Variants in RAI1 observed in about 807,000 individuals in gnomAD.
RAI1 encodes retinoic acid induced 1.
A neutral mutation model predicts 123.8 loss-of-function variants in RAI1; 9 were observed. The ratio of observed to expected loss-of-function variants is 0.07; its 90% confidence interval spans 0.04 to 0.13. RAI1 has a LOEUF of 0.13. Among genes scored for constraint, RAI1 ranks in the 10% least tolerant of loss-of-function variants. The pLI is 1.00. For synonymous variants in RAI1, 1,231 were observed against 1,127.3 expected, an observed-to-expected ratio of 1.09 and a Z score of -1.84; for missense variants, 2,256 against 2,545.8, an observed-to-expected ratio of 0.89 and a Z score of 2.45.
chr17:17,745,269 A>G (rs143961643), intron 2 of RAI1, among the ~76,000 whole-genome samples: 1 of 151,716 alleles, frequency 6.6e-6, no homozygotes, highest in East Asian at 1.9e-4. Context: ...GGTATTTGGG[A>G]TGTGCTGACT....
intron 1 of RAI1, among the ~76,000 whole-genome samples, chr17:17,699,636 G>A (rs572353794): frequency 1.4e-5 from 2 of 145,982 alleles, no homozygotes; most frequent in Admixed American, 1.4e-4. Context: ...GGCCGGGGGG[G>A]GGGGAATCAA....
intron 2 of RAI1, among the ~76,000 whole-genome samples, chr17:17,724,611 G>T (rs980924777): frequency 3.3e-5 from 5 of 152,066 alleles, no homozygotes; most frequent in African/African-American, 4.8e-5. Context: ...GTTCAAGTTC[G>T]CAATCTGCGC....
At position 17,803,833 on chromosome 17, in the gene RAI1, G is replaced by A. The variant is rs548093356; in HGVS notation, c.5643G>A (p.Pro1881=). 27 of 1,613,396 alleles carry A rather than the reference G, an allele frequency of 1.7e-5. No homozygotes were observed. Among genetic ancestry groups the A allele is most frequent in the East Asian group, 6.7e-5 (3 of 44,880 alleles). The change falls in exon 4 of 6, where the codon CCG becomes CCA. Residue 1881 remains proline, a synonymous_variant. Coordinates refer to ENST00000353383, the MANE Select transcript of RAI1 (RefSeq NM_030665.4). ...GATGCCTCCACACCTACCACTACCCGTGTGCCAGCGATGCAGGTACGAGCC... is the reference window on the plus strand; with the variant it reads ...GATGCCTCCACACCTACCACTACCCATGTGCCAGCGATGCAGGTACGAGCC... ...HKGCLHTYHY[P]CASDAGCIFI... is the part of the protein sequence containing the mutation.
At chr17:17,802,157 A>C in intron 3 of RAI1, 1 of 470,934 alleles carries the variant, frequency 2.1e-6, no homozygotes. Context: ...GTCCACTCCA[A>C]GCAGCTGGTC....
chr17:17,750,850 GT>G (rs1420797874), intron 2 of RAI1, among the ~76,000 whole-genome samples: 1 of 152,244 alleles, frequency 6.6e-6, no homozygotes, highest in African/African-American at 2.4e-5. Flanking sequence ...CTGAGCCACA[GT>G]TGCTGGCCTT....
chr17:17,707,058 T>C (rs993202410), intron 1 of RAI1, among the ~76,000 whole-genome samples: 12 of 152,286 alleles, frequency 7.9e-5, no homozygotes, highest in African/African-American at 2.9e-4. Context: ...TCCTTAGTCC[T>C]AAGCTACTCA....
In RAI1 at chr17:17,699,629, CGG is replaced by C. The variant is rs372576220; in HGVS notation, c.-149+17846_-149+17847del. Among the ~76,000 whole-genome samples the C allele has an allele frequency of 8.4e-3, 424 of 50,654 alleles. 4 individuals carry two copies. Among genetic ancestry groups the C allele is most frequent in the African/African-American group, 0.022 (389 of 18,068 alleles). The allele number at this position is 50,654 out of a possible 152,430, so 33.2% of individuals were successfully genotyped here. Reference sequence around the variant, plus strand: ...GAAAGCCCATCCATTGTCGGGGGGCCGGGGGGGGGGGAATCAAATGAATTGCC... The same window carrying C: ...GAAAGCCCATCCATTGTCGGGGGGCCGGGGGGGGGAATCAAATGAATTGCC... On this transcript the variant is annotated intron_variant, in intron 1 of 5. Coordinates refer to ENST00000353383, the MANE Select transcript of RAI1 (RefSeq NM_030665.4).
At chr17:17,779,771 C>A (rs1263104567) in intron 2 of RAI1, among the ~76,000 whole-genome samples, 1 of 107,960 alleles carries the variant, frequency 9.3e-6, no homozygotes, top group Non-Finnish European at 1.9e-5. Context: ...CCTCCCCACC[C>A]TTTTTTTTTT....
chr17:17,732,546 G>C (rs1916305169), intron 2 of RAI1, among the ~76,000 whole-genome samples: 2 of 152,144 alleles, frequency 1.3e-5, no homozygotes, highest in Non-Finnish European at 2.9e-5. Flanking sequence ...GGGTTTGCAG[G>C]CTTCTTTAAG....
At position 17,798,372 on chromosome 17, in the gene RAI1, C is replaced by G; in HGVS notation, c.5424C>G (p.Ser1808Arg). The G allele has an allele frequency of 1.9e-6, 3 of 1,608,900 alleles. No homozygotes were observed. Among genetic ancestry groups the G allele is most frequent in the South Asian group, 2.2e-5 (2 of 90,454 alleles). ...ACAAGGGTCGCAAACATGAGTGCAG[C>G]AAGGAGGCTCCGGCAGAGCCCGGCG... is the stretch of plus-strand genomic sequence containing the variant. The part of the protein sequence containing the change: ...PADKGRKHEC[S>R]KEAPAEPGGE... Residue 1808 changes from serine (S) to arginine (R), a missense_variant, in exon 3 of 6, where the codon AGC (serine) becomes AGG (arginine). Physicochemically the swap from Ser to Arg is moderately radical, Grantham distance 110. Transcript: ENST00000353383.
At chr17:17,697,856 G>A (rs1915089192) in intron 1 of RAI1, among the ~76,000 whole-genome samples, 1 of 152,222 alleles carries the variant, frequency 6.6e-6, no homozygotes, top group Non-Finnish European at 1.5e-5. Flanking sequence ...TTCTTTGTGT[G>A]TTGGGGGCAC....
At chr17:17,696,063 C>T (rs901696643) in intron 1 of RAI1, among the ~76,000 whole-genome samples, 7 of 152,186 alleles carry the variant, frequency 4.6e-5, no homozygotes, top group African/African-American at 1.7e-4. Flanking sequence ...CTTCCCAGTC[C>T]TAAGCATTTT....
At chr17:17,686,119 T>C (rs1330393527) in intron 1 of RAI1, among the ~76,000 whole-genome samples, 4 of 152,236 alleles carry the variant, frequency 2.6e-5, no homozygotes, top group African/African-American at 7.2e-5. Flanking sequence ...CCTTGCTCTC[T>C]CCGGCCCAGT....
chr17:17,739,209 C>T (rs183752947), intron 2 of RAI1, among the ~76,000 whole-genome samples: 1 of 152,158 alleles, frequency 6.6e-6, no homozygotes, highest in Admixed American at 6.5e-5. Flanking sequence ...AGGAGCCAAG[C>T]TCTGCAAGGC....
intron 3 of RAI1, among the ~76,000 whole-genome samples, chr17:17,802,559 G>A (rs969825558): frequency 6.6e-6 from 1 of 151,090 alleles, no homozygotes; most frequent in Non-Finnish European, 1.5e-5. Flanking sequence ...GGCGGATCAC[G>A]AGGTCAGGAG....
intron 2 of RAI1, among the ~76,000 whole-genome samples, chr17:17,739,681 C>T (rs901312006): frequency 1.3e-5 from 2 of 152,228 alleles, no homozygotes; most frequent in Non-Finnish European, 2.9e-5. Context: ...CCCCACAGAC[C>T]CCATCCCTAC....
Position 17,810,051 on chromosome 17 carries a change from GC to G in RAI1, c.*72del. ...CGCCCGCCGCCGAAGGAGAGGAGCC[GC>G]CTGCGCAGCCCCCGGGCCTTTGAGC... On this transcript the variant is annotated 3_prime_UTR_variant, in exon 6 of 6. Coordinates refer to ENST00000353383, the MANE Select transcript of RAI1 (RefSeq NM_030665.4). The surrounding 1 kb of genome is among the most constrained non-coding windows in gnomAD (Gnocchi z 4.6). 2 of 1,535,672 alleles carry G rather than the reference GC, an allele frequency of 1.3e-6. No individual in the cohort carries two copies.
chr17:17,689,226 G>A (rs1018184625), intron 1 of RAI1, among the ~76,000 whole-genome samples: 1 of 152,178 alleles, frequency 6.6e-6, no homozygotes, highest in Non-Finnish European at 1.5e-5. Context: ...CCAAAGTGCA[G>A]GGATTATAGG....
chr17:17,783,367 C>G (rs1188584541), intron 2 of RAI1, among the ~76,000 whole-genome samples: 7 of 151,960 alleles, frequency 4.6e-5, no homozygotes, highest in Non-Finnish European at 7.4e-5. Context: ...GGCGCGGCGT[C>G]TTTGGTGCGC....
Sources: gnomAD v4.1 joint callset for allele counts (sites outside exome capture counted in the v4.1 genomes callset) on GRCh38, gnomAD v4.1.1 for gene constraint, Gnocchi (gnomAD v3.1) non-coding constraint, MANE v1.5 for transcripts, NCBI Gene and HGNC (gene_info 2026-07-23, HGNC 2026-07-21) for gene names.